HNRNPA1L3: variants seen among roughly 807,000 people sequenced by gnomAD.
HNRNPA1L3 encodes the protein heterogeneous nuclear ribonucleoprotein A1 like 3, also known as heterogeneous nuclear ribonucleoprotein A1-like 3.
At chr16:51,646,728 G>A in the HNRNPA1L3 span, 366 of 1,598,352 alleles carry the variant, frequency 2.3e-4, no homozygotes, top group Non-Finnish European at 3.0e-4. Context: ...AACCAAGGTG[G>A]CTATGGCGGT....
chr16:51,646,756 C>T, the HNRNPA1L3 span: 1 of 1,596,758 alleles, frequency 6.3e-7, no homozygotes. Context: ...GCAGCAGTAG[C>T]TATGGCAGTG....
chr16:51,646,740 C>CCAG, the HNRNPA1L3 span: 1 of 1,597,674 alleles, frequency 6.3e-7, no homozygotes, highest in Non-Finnish European at 8.5e-7. Flanking sequence ...TATGGCGGTT[C>CCAG]CAGCAGCAGC....
At chr16:51,645,949 G>A in the HNRNPA1L3 span, 4 of 1,605,752 alleles carry the variant, frequency 2.5e-6, no homozygotes, top group South Asian at 3.3e-5. Flanking sequence ...CGGACTGTGT[G>A]GTAATGAGAG....
At chr16:51,645,763 T>C in the HNRNPA1L3 span, 1 of 1,605,862 alleles carries the variant, frequency 6.2e-7, no homozygotes, top group Non-Finnish European at 8.5e-7. Context: ...TTTTCCTTTC[T>C]GCCCTTGGAC....
the HNRNPA1L3 span, chr16:51,645,811 T>G: frequency 6.2e-7 from 1 of 1,607,732 alleles, no homozygotes; most frequent in Non-Finnish European, 8.5e-7. Flanking sequence ...CTCTTCACCC[T>G]GCCGTCATGT....
the HNRNPA1L3 span, chr16:51,645,956 A>C: frequency 6.2e-7 from 1 of 1,605,928 alleles, no homozygotes; most frequent in Non-Finnish European, 8.5e-7. Flanking sequence ...TGTGGTAATG[A>C]GAGATCCAAA....
the HNRNPA1L3 span, chr16:51,646,690 T>C: frequency 5.0e-6 from 8 of 1,598,602 alleles, no homozygotes; most frequent in Non-Finnish European, 6.8e-6. Flanking sequence ...CCCATGGCGG[T>C]GGAGGCCAAT....
chr16:51,646,149 G>A, the HNRNPA1L3 span: 2 of 1,593,774 alleles, frequency 1.3e-6, no homozygotes, highest in South Asian at 1.1e-5. Flanking sequence ...TTTGTTGGTG[G>A]CATTAAAGAA....
At chr16:51,645,965 A>C in the HNRNPA1L3 span, 3 of 1,605,388 alleles carry the variant, frequency 1.9e-6, no homozygotes, top group Non-Finnish European at 2.5e-6. Context: ...GAGAGATCCA[A>C]ACACGAAGCG....
the HNRNPA1L3 span, chr16:51,646,950 T>C: frequency 2.9e-6 from 2 of 699,582 alleles, no homozygotes; most frequent in Non-Finnish European, 5.1e-6. Context: ...ACTCGAGGAC[T>C]GTATTTGTGA....
the HNRNPA1L3 span, chr16:51,645,914 C>T: frequency 3.1e-6 from 5 of 1,606,774 alleles, no homozygotes; most frequent in Admixed American, 5.0e-5. Flanking sequence ...CCTGAGGAGC[C>T]ATTTTGAGCA....
chr16:51,646,291 C>G, the HNRNPA1L3 span: 11 of 1,593,646 alleles, frequency 6.9e-6, no homozygotes, highest in Admixed American at 1.5e-4. Flanking sequence ...ACCATGACTC[C>G]GTGGATAAGA....
At chr16:51,646,744 C>T in the HNRNPA1L3 span, 1 of 1,597,452 alleles carries the variant, frequency 6.3e-7, no homozygotes, top group Non-Finnish European at 8.5e-7. Context: ...GCGGTTCCAG[C>T]AGCAGCAGTA....
At chr16:51,646,973 C>T in the HNRNPA1L3 span, 2,506 of 635,572 alleles carry the variant, frequency 3.9e-3, 35 homozygotes, top group Middle Eastern at 1.0e-2. Context: ...AATTGTATAA[C>T]AGGTTATTTT....
chr16:51,646,801 G>T, the HNRNPA1L3 span: 1 of 1,570,362 alleles, frequency 6.4e-7, no homozygotes, highest in Admixed American at 1.7e-5. Context: ...AAGCTTAGCA[G>T]GAGAGGAGAG....
the HNRNPA1L3 span, chr16:51,646,546 C>A: frequency 5.6e-6 from 9 of 1,596,428 alleles, no homozygotes; most frequent in Non-Finnish European, 7.6e-6. Flanking sequence ...GTGGGGATGG[C>A]TATAATGGAT....
chr16:51,645,848 G>A, the HNRNPA1L3 span: 25 of 1,605,632 alleles, frequency 1.6e-5, no homozygotes, highest in East Asian at 6.7e-5. Context: ...TAAAGAGCCC[G>A]AACAGCTGAG....
the HNRNPA1L3 span, chr16:51,646,744 C>A: frequency 1.9e-6 from 3 of 1,597,454 alleles, no homozygotes; most frequent in Non-Finnish European, 2.5e-6. Context: ...GCGGTTCCAG[C>A]AGCAGCAGTA....
chr16:51,646,511 C>G, the HNRNPA1L3 span: 2 of 1,597,488 alleles, frequency 1.3e-6, no homozygotes, highest in Non-Finnish European at 1.7e-6. Flanking sequence ...TGGTGGCAGC[C>G]GTGGTGGTGG....
Sources: allele counts gnomAD v4.1 joint callset, GRCh38; gene constraint gnomAD v4.1.1; transcripts MANE v1.5; gene names NCBI Gene and HGNC (gene_info 2026-07-23, HGNC 2026-07-21).